ACTR3C: variants seen among roughly 807,000 people sequenced by gnomAD.
The protein encoded by ACTR3C is actin related protein 3C.
In ACTR3C, 18 loss-of-function variants were observed where a neutral mutation model predicts 26.3. That is an observed-to-expected ratio of 0.68 (90% CI 0.47 to 1.01). The LOEUF (loss-of-function observed/expected upper bound fraction) is 1.01, where lower values mean the gene tolerates loss of function less well. ACTR3C is among the 50% of genes least tolerant of loss of function. ACTR3C has a pLI of 0.00. For missense variants in ACTR3C, 184 were observed against 250.7 expected (o/e 0.73, Z 1.80); for synonymous variants, 55 against 94.5 (o/e 0.58, Z 2.42).
At chr7:149,994,458 G>A in the ACTR3C span, among the ~76,000 whole-genome samples, 6 of 151,910 alleles carry the variant, frequency 3.9e-5, no homozygotes, top group Non-Finnish European at 5.9e-5. Context: ...TTAGCTGGGA[G>A]TATTGGTGTG....
the ACTR3C span, among the ~76,000 whole-genome samples, chr7:150,037,720 CA>C: frequency 2.2e-3 from 193 of 87,700 alleles, 4 homozygotes; most frequent in Admixed American, 0.013. Flanking sequence ...GGTCCTAAGC[CA>C]GGGGGGAAGA....
chr7:150,225,015 G>GTGTT, the ACTR3C span, among the ~76,000 whole-genome samples: 1 of 150,328 alleles, frequency 6.7e-6, no homozygotes, highest in African/African-American at 2.4e-5. Flanking sequence ...GTGTGTGTGT[G>GTGTT]TGTGTGTGTG....
the ACTR3C span, among the ~76,000 whole-genome samples, chr7:150,168,383 C>T: frequency 6.6e-6 from 1 of 150,742 alleles, no homozygotes; most frequent in Admixed American, 6.6e-5. Flanking sequence ...AATACCTGAT[C>T]CTTATGAGAA....
the ACTR3C span, among the ~76,000 whole-genome samples, chr7:150,227,983 A>G: frequency 0.021 from 3,149 of 152,192 alleles, 103 homozygotes; most frequent in African/African-American, 0.072. Flanking sequence ...GGCCAATTCT[A>G]GGAAGGTCTT....
chr7:149,897,023 T>G, the ACTR3C span, among the ~76,000 whole-genome samples: 1 of 140,126 alleles, frequency 7.1e-6, no homozygotes, highest in Non-Finnish European at 1.5e-5. Flanking sequence ...ATCGCGCCAC[T>G]GCACTCCAGC....
chr7:150,100,908 T>C, the ACTR3C span, among the ~76,000 whole-genome samples: 2 of 151,562 alleles, frequency 1.3e-5, 1 homozygote, highest in Non-Finnish European at 2.9e-5. Context: ...TCTCACCATG[T>C]TGCCCAGGCT....
chr7:149,932,714 G>A, the ACTR3C span, among the ~76,000 whole-genome samples: 875 of 147,470 alleles, frequency 5.9e-3, 10 homozygotes, highest in African/African-American at 0.02. Context: ...AGAAGGAGGG[G>A]AGTGGAGGGG....
the ACTR3C span, among the ~76,000 whole-genome samples, chr7:150,010,661 T>C: frequency 0.01 from 1,445 of 138,710 alleles, 25 homozygotes; most frequent in African/African-American, 0.038. Context: ...GCCACTGCAC[T>C]CCAGCCTGGG....
At chr7:150,023,265 A>C in the ACTR3C span, among the ~76,000 whole-genome samples, 11 of 136,068 alleles carry the variant, frequency 8.1e-5, 1 homozygote, top group Admixed American at 2.3e-4. Context: ...ATCTCTATAT[A>C]TCTCTATATG....
the ACTR3C span, among the ~76,000 whole-genome samples, chr7:150,043,694 G>A: frequency 1.3e-5 from 2 of 152,232 alleles, no homozygotes; most frequent in South Asian, 2.1e-4. Context: ...TATTGGTGAT[G>A]AGAGTAATGG....
At chr7:150,297,179 G>T (rs550417497) in intron 1 of ACTR3C, among the ~76,000 whole-genome samples, 1 of 146,664 alleles carries the variant, frequency 6.8e-6, no homozygotes, top group East Asian at 1.9e-4. Context: ...AGGGAAGAAG[G>T]TACGACCCAA....
At chr7:150,207,137 T>G in the ACTR3C span, among the ~76,000 whole-genome samples, 1 of 152,246 alleles carries the variant, frequency 6.6e-6, no homozygotes, top group African/African-American at 2.4e-5. Context: ...TTTTTTACAC[T>G]GACTTTAGTC....
chr7:150,131,481 C>T, the ACTR3C span, among the ~76,000 whole-genome samples: 2 of 151,960 alleles, frequency 1.3e-5, no homozygotes, highest in Non-Finnish European at 2.9e-5. Context: ...AATCACCCTC[C>T]TCAGAACTCT....
chr7:150,220,741 G>T, the ACTR3C span, among the ~76,000 whole-genome samples: 15 of 152,416 alleles, frequency 9.8e-5, no homozygotes, highest in East Asian at 3.9e-4. Flanking sequence ...GGAGTCGCGC[G>T]CACTCACGCC....
At chr7:150,123,850 T>C in the ACTR3C span, among the ~76,000 whole-genome samples, 1 of 152,166 alleles carries the variant, frequency 6.6e-6, no homozygotes, top group Non-Finnish European at 1.5e-5. Flanking sequence ...TGCTATCCCC[T>C]GAGCAGGACA....
the ACTR3C span, among the ~76,000 whole-genome samples, chr7:150,179,826 T>C: frequency 6.6e-6 from 1 of 151,626 alleles, no homozygotes; most frequent in East Asian, 1.9e-4. Context: ...TAATGTATAA[T>C]TATTAAAGAA....
chr7:149,982,411 G>T, the ACTR3C span, among the ~76,000 whole-genome samples: 38 of 152,136 alleles, frequency 2.5e-4, no homozygotes, highest in African/African-American at 9.2e-4. Flanking sequence ...TTAAATAAAG[G>T]TTAGTTTTTA....
the ACTR3C span, among the ~76,000 whole-genome samples, chr7:149,940,856 CA>C: frequency 6.0e-5 from 9 of 150,118 alleles, no homozygotes; most frequent in Middle Eastern, 3.2e-3. Flanking sequence ...GAGGGGAAGA[CA>C]AGCTGGGCTC....
chr7:150,229,303 C>T, the ACTR3C span, among the ~76,000 whole-genome samples: 2 of 152,090 alleles, frequency 1.3e-5, no homozygotes, highest in African/African-American at 2.4e-5. Context: ...CATTAGCTGT[C>T]ATGTTAGCTG....
Sources: gnomAD v4.1 joint callset for allele counts (sites outside exome capture counted in the v4.1 genomes callset) on GRCh38, gnomAD v4.1.1 for gene constraint, MANE v1.5 for transcripts, NCBI Gene and HGNC (gene_info 2026-07-23, HGNC 2026-07-21) for gene names.